The following LRRK2 variants were observed in gnomAD, a reference collection of about 807,000 sequenced individuals.
LRRK2 encodes the protein leucine-rich repeat serine/threonine-protein kinase 2.
In LRRK2, 203 loss-of-function variants were observed where a neutral mutation model predicts 302.6. That is an observed-to-expected ratio of 0.67 (90% CI 0.60 to 0.75). The LOEUF (loss-of-function observed/expected upper bound fraction) is 0.75. Ranked by LOEUF, LRRK2 falls within the 30% of genes least tolerant of loss-of-function variation. LRRK2 has a pLI of 0.00. For missense variants in LRRK2, 2,830 were observed against 2,951.0 expected (o/e 0.96, Z 0.95); for synonymous variants, 1,066 against 1,031.9 (o/e 1.03, Z -0.63).
intron 49 of LRRK2, chr12:40,365,390 T>C (rs1946845270): frequency 9.1e-6 from 2 of 218,852 alleles, no homozygotes; most frequent in Non-Finnish European, 1.8e-5. Flanking sequence ...AATGTTTGTT[T>C]TAATCATAGT....
rs764905733 is a variant in LRRK2, at chr12:40,243,623, C to G, written c.780C>G (p.Phe260Leu). 4 of 1,612,144 alleles carry G rather than the reference C, an allele frequency of 2.5e-6. No individual in the cohort carries two copies. The South Asian group carries it at 4.4e-5, about 18-fold the overall frequency. ...TTGTGGTGGAAGCTATGAAAGCATT[C>G]CCTATGAGTGAAAGAATTCAAGAAG... ...YNIVVEAMKA[F>L]PMSERIQEVS... Residue 260 changes from phenylalanine to leucine, a missense_variant, in exon 7 of 51, where the codon TTC becomes TTG. Coordinates refer to ENST00000298910, the MANE Select transcript of LRRK2 (RefSeq NM_198578.4).
chr12:40,287,279 CT>C, intron 19 of LRRK2, 71 bp from the exon 20 acceptor site: 1 of 1,367,610 alleles, frequency 7.3e-7, no homozygotes, highest in East Asian at 2.3e-5. Flanking sequence ...TACGTAAGAA[CT>C]TTGGTCCTAT....
chr12:40,253,552 A>AT (rs1942374743), intron 11 of LRRK2, among the ~76,000 whole-genome samples: 2 of 152,036 alleles, frequency 1.3e-5, no homozygotes, highest in African/African-American at 2.4e-5. Context: ...TACCTGGCTA[A>AT]TTTTTTGCAG....
chr12:40,280,999 C>T (rs1237566922), intron 18 of LRRK2, among the ~76,000 whole-genome samples: 60 of 148,520 alleles, frequency 4.0e-4, no homozygotes, highest in African/African-American at 6.7e-4. Context: ...ACCTGGAAGG[C>T]GGAGCTTGCA....
chr12:40,258,741 G>A (rs1004126064), intron 12 of LRRK2, among the ~76,000 whole-genome samples: 1 of 152,180 alleles, frequency 6.6e-6, no homozygotes, highest in African/African-American at 2.4e-5. Flanking sequence ...CCCAAGGAGG[G>A]GAGGCTCCAA....
chr12:40,327,714 G>T (rs1204649605), intron 38 of LRRK2, among the ~76,000 whole-genome samples: 1 of 152,022 alleles, frequency 6.6e-6, no homozygotes, highest in Non-Finnish European at 1.5e-5. Flanking sequence ...GAACTCAGAA[G>T]GCCTCCTGGG....
intron 37 of LRRK2, 24 bp from the exon 38 acceptor site, chr12:40,323,136 A>T (rs1477553178): frequency 3.7e-6 from 6 of 1,602,632 alleles, no homozygotes; most frequent in Admixed American, 1.7e-5. Context: ...GTTTTTATTT[A>T]AAAAATGTTT....
intron 7 of LRRK2, among the ~76,000 whole-genome samples, chr12:40,244,633 T>C (rs572033284): frequency 7.9e-5 from 12 of 151,664 alleles, no homozygotes; most frequent in African/African-American, 2.4e-4. Context: ...TAGTCTGTCT[T>C]TTTAAAACCG....
chr12:40,341,791 A>T (rs1045289568), intron 41 of LRRK2, among the ~76,000 whole-genome samples: 3 of 152,222 alleles, frequency 2.0e-5, no homozygotes, highest in Non-Finnish European at 2.9e-5. Context: ...TTTGGCTTTA[A>T]ATTCTATAGT....
chr12:40,312,941 AGAGATACAT>A (rs1043212509), intron 31 of LRRK2: 4 of 118,128 alleles, frequency 3.4e-5, no homozygotes, highest in Non-Finnish European at 7.5e-5. Flanking sequence ...CTCTGGGTTA[AGAGATACAT>A]GAAAACAGTC....
At chr12:40,310,731 A>G in intron 31 of LRRK2, 82 bp downstream of exon 31, 3 of 1,381,502 alleles carry the variant, frequency 2.2e-6, no homozygotes, top group South Asian at 1.2e-5. Flanking sequence ...GAAGTGAGCA[A>G]CTCACTTAAA....
At chr12:40,234,672 C>T (rs182599245) in intron 3 of LRRK2, among the ~76,000 whole-genome samples, 8 of 152,008 alleles carry the variant, frequency 5.3e-5, no homozygotes, top group East Asian at 3.9e-4. Flanking sequence ...CAACGGCCAC[C>T]GGCCCACTAC....
At chr12:40,281,951 GA>G (rs546866356) in intron 18 of LRRK2, among the ~76,000 whole-genome samples, 10 of 151,882 alleles carry the variant, frequency 6.6e-5, no homozygotes, top group African/African-American at 7.2e-5. Context: ...ATATCTTAGA[GA>G]AAAAAAAGTT....
intron 44 of LRRK2, 151 bp downstream of exon 44, chr12:40,351,884 G>C: frequency 1.2e-6 from 1 of 849,788 alleles, no homozygotes; most frequent in East Asian, 2.7e-5. Context: ...AATGTGTTTT[G>C]CTTTAGAATC....
chr12:40,233,974 C>T lies in LRRK2; in HGVS notation c.347+1591C>T, dbSNP rs935225979. 2.0e-5 allele frequency among the ~76,000 whole-genome samples: 3 copies of T among 152,134 alleles called. No individual in the cohort carries two copies. The East Asian group carries it at 5.8e-4, about 29-fold the overall frequency. On this transcript the variant is annotated intron_variant, in intron 3 of 50. Transcript: ENST00000298910. ...CTCCAGTGGAGTGTATTAGATCACT[C>T]CCAGCAAAAATTGATTGTAAAACAG... is the stretch of plus-strand genomic sequence containing the variant.
chr12:40,303,948 C>T lies in LRRK2; in HGVS notation c.3591C>T (p.His1197=). 3 of 1,613,386 alleles carry T rather than the reference C, an allele frequency of 1.9e-6. No homozygotes were observed. The change falls in exon 27 of 51, where the codon CAC becomes CAT. Residue 1197 remains histidine, a splice_region_variant and synonymous_variant. Coordinates refer to ENST00000298910, the MANE Select transcript of LRRK2 (RefSeq NM_198578.4). The part of the protein sequence containing the change: ...CIPEAILNLP[H]LRSLDMSSND... ...ATGTCTTTTCTGTGTATTGTTTTAG[C>T]TTGCGGTCTTTAGATATGAGCAGCA...
intron 18 of LRRK2, among the ~76,000 whole-genome samples, chr12:40,281,870 T>C (rs903682791): frequency 5.9e-5 from 9 of 152,132 alleles, no homozygotes; most frequent in African/African-American, 1.9e-4. Context: ...GGTTTGTAGG[T>C]CTGTATGTGT....
intron 20 of LRRK2, among the ~76,000 whole-genome samples, chr12:40,293,222 T>C (rs1944229429): frequency 6.6e-6 from 1 of 152,106 alleles, no homozygotes; most frequent in Non-Finnish European, 1.5e-5. Context: ...ATTTGGCTTT[T>C]TCCTGCTGGA....
At chr12:40,347,822 G>T (rs977802195) in intron 42 of LRRK2, among the ~76,000 whole-genome samples, 4 of 152,088 alleles carry the variant, frequency 2.6e-5, no homozygotes, top group Non-Finnish European at 5.9e-5. Context: ...AAGTAGCTGG[G>T]CATGGTGGCA....
Sources: allele counts gnomAD v4.1 joint callset (sites outside exome capture counted in the v4.1 genomes callset), GRCh38; gene constraint gnomAD v4.1.1; transcripts MANE v1.5; gene names NCBI Gene and HGNC (gene_info 2026-07-23, HGNC 2026-07-21).